VPS4B: variants seen among roughly 807,000 people sequenced by gnomAD.
The protein encoded by VPS4B is vacuolar protein sorting-associated protein 4B.
Under a neutral mutation model 56.1 loss-of-function variants are expected in VPS4B, and 23 were observed. That is an observed-to-expected ratio of 0.41 (90% confidence interval 0.30 to 0.58). The LOEUF is 0.58. Among genes scored for constraint, VPS4B ranks in the 20% least tolerant of loss-of-function variants. The pLI is 0.29. For synonymous variants in VPS4B, 177 were observed against 186.0 expected, an observed-to-expected ratio of 0.95 and a Z score of 0.39; for missense variants, 372 against 531.9, an observed-to-expected ratio of 0.70 and a Z score of 2.96.
chr18:63,409,899 A>C (rs1216497182), intron 3 of VPS4B, among the ~76,000 whole-genome samples: 1 of 152,230 alleles, frequency 6.6e-6, no homozygotes, highest in Non-Finnish European at 1.5e-5. Flanking sequence ...CCAGAGAGTA[A>C]CTGAGTACTA....
In VPS4B at chr18:63,422,432, A is replaced by C. The variant is rs1846351107; in HGVS notation, c.-173T>G. Reference sequence around the variant, plus strand: ...TTTTAGACAACACTCTCTCCACCAGAGCTCCGACCCTCCCCACCAAACTTC... The same window carrying C: ...TTTTAGACAACACTCTCTCCACCAGCGCTCCGACCCTCCCCACCAAACTTC... On this transcript the variant is annotated 5_prime_UTR_variant, in exon 1 of 11. Transcript: ENST00000238497. 1 of 488,864 alleles carries C rather than the reference A, an allele frequency of 2.0e-6. No homozygotes were observed. The allele number at this position is 488,864 out of a possible 1,614,324, so 30.3% of individuals were successfully genotyped here. A position where few individuals can be genotyped will look rare whatever the true frequency, so the allele number is the denominator to read the frequency against.
At chr18:63,392,374 A>G (rs1915568687) in intron 10 of VPS4B, among the ~76,000 whole-genome samples, 1 of 152,250 alleles carries the variant, frequency 6.6e-6, no homozygotes, top group African/African-American at 2.4e-5. Flanking sequence ...TAAACTTTCT[A>G]TGGAGCTTTG....
intron 5 of VPS4B, among the ~76,000 whole-genome samples, chr18:63,401,395 T>C (rs564478435): frequency 1.3e-5 from 2 of 152,180 alleles, no homozygotes; most frequent in African/African-American, 4.8e-5. Context: ...GCTGAGATTA[T>C]AGGTGCCCGC....
intron 1 of VPS4B, among the ~76,000 whole-genome samples, chr18:63,416,791 T>C (rs868419762): frequency 1.3e-5 from 2 of 152,176 alleles, no homozygotes; most frequent in African/African-American, 2.4e-5. Context: ...CCACCTAGAA[T>C]GCTCTTCCCT....
intron 9 of VPS4B, chr18:63,396,751 G>A (rs1473388793): frequency 1.1e-5 from 4 of 357,174 alleles, no homozygotes; most frequent in East Asian, 1.3e-4. Context: ...GCCTTTGGGA[G>A]GCCGAGGTGG....
chr18:63,397,004 GAT>G, intron 9 of VPS4B, 28 bp downstream of exon 9: 1 of 1,333,766 alleles, frequency 7.5e-7, no homozygotes, highest in Non-Finnish European at 1.0e-6. Flanking sequence ...AAAAAAAAAA[GAT>G]AGGAAAGGAT....
intron 4 of VPS4B, among the ~76,000 whole-genome samples, chr18:63,406,448 T>C (rs1332659845): frequency 2.0e-5 from 3 of 152,244 alleles, no homozygotes; most frequent in African/African-American, 7.2e-5. Flanking sequence ...GTATTTTCAC[T>C]ATTCAGTAAC....
intron 5 of VPS4B, among the ~76,000 whole-genome samples, chr18:63,401,694 T>C (rs77036869): frequency 0.019 from 2,934 of 152,148 alleles, 90 homozygotes; most frequent in African/African-American, 0.067. Flanking sequence ...CTATCAAACA[T>C]ACATTTAAAA....
chr18:63,418,638 C>T (rs1403041426), intron 1 of VPS4B, among the ~76,000 whole-genome samples: 2 of 152,110 alleles, frequency 1.3e-5, no homozygotes, highest in African/African-American at 4.8e-5. Context: ...TAAGCTGAAG[C>T]GATCTGCTGC....
intron 2 of VPS4B, 34 bp downstream of exon 2, chr18:63,411,433 G>T: frequency 3.6e-6 from 5 of 1,403,392 alleles, no homozygotes; most frequent in South Asian, 1.6e-5. Flanking sequence ...TTTCCTTTTC[G>T]TGTTTTTAAA....
chr18:63,414,337 T>A (rs1207252855), intron 1 of VPS4B, among the ~76,000 whole-genome samples: 1 of 151,628 alleles, frequency 6.6e-6, no homozygotes, highest in Non-Finnish European at 1.5e-5. Context: ...GCCACTGCAC[T>A]CTAGCCTGGG....
At chr18:63,407,614 T>TAC (rs1199390975) in intron 3 of VPS4B, 115 bp from the exon 4 acceptor site, 1 of 771,064 alleles carries the variant, frequency 1.3e-6, no homozygotes, top group Non-Finnish European at 2.0e-6. Context: ...ATCAGACATT[T>TAC]ACATTAAAAG....
In VPS4B at chr18:63,400,175, T is replaced by A; in HGVS notation, c.663A>T (p.Gln221His). The A allele has an allele frequency of 1.2e-6, 2 of 1,607,794 alleles. No individual in the cohort carries two copies. Among genetic ancestry groups the A allele is most frequent in the Non-Finnish European group, 8.5e-7 (1 of 1,178,270 alleles). ...TGGAGGGCTTGTTCTCTCTGGCAAG[T>A]TGGAATAAATTCTTAACCAGTCTAA... Reference protein sequence around the residue: ...ESEKLVKNLFQLARENKPSII... With the variant: ...ESEKLVKNLFHLARENKPSII... The change falls in exon 7 of 11, where the codon CAA (glutamine) becomes CAT (histidine). Residue 221 changes from glutamine (Q) to histidine (H), a missense_variant. This residue lies in a region of VPS4B where 66 missense variants were observed against 150.7 expected (regional missense o/e 0.44). Transcript: ENST00000238497.
intron 1 of VPS4B, among the ~76,000 whole-genome samples, chr18:63,420,217 C>T (rs868800544): frequency 3.9e-5 from 6 of 151,984 alleles, no homozygotes; most frequent in African/African-American, 1.5e-4. Context: ...GAGGCTAAGG[C>T]GGGCGGATCA....
intron 10 of VPS4B, among the ~76,000 whole-genome samples, chr18:63,391,693 T>G (rs546380361): frequency 6.6e-6 from 1 of 152,250 alleles, no homozygotes. Context: ...CATGATCTAA[T>G]TTCTGGCCTT....
At position 63,393,176 on chromosome 18, in the gene VPS4B, G is replaced by C. The variant is rs779323581; in HGVS notation, c.1233+233C>G. Reference sequence around the variant, plus strand: ...AAGACCTGTAAAGTCAGAATCTTGTGCTTTAAAAAATAGCTTTTTCACTTA... The same window carrying C: ...AAGACCTGTAAAGTCAGAATCTTGTCCTTTAAAAAATAGCTTTTTCACTTA... On this transcript the variant is annotated intron_variant, in intron 10 of 10. Transcript: ENST00000238497. 3.3e-5 allele frequency among the ~76,000 whole-genome samples: 5 copies of C among 152,060 alleles called. No individual in the cohort carries two copies. The South Asian group carries it at 6.2e-4, about 19-fold the overall frequency.
rs754878648 is a variant in VPS4B, at chr18:63,390,907, G to A, written c.*68C>T. ...GAGTTTTACTGGAAACAATTAATGC[G>A]ATCCAAATAGACAAAAATATCTATG... On this transcript the variant is annotated 3_prime_UTR_variant, in exon 11 of 11. Transcript: ENST00000238497. 8 of 1,114,580 alleles carry A rather than the reference G, an allele frequency of 7.2e-6. No homozygotes were observed. In the South Asian group the frequency reaches 7.9e-5, roughly 11 times the overall value. The allele number at this position is 1,114,580 out of a possible 1,614,324, so 69.0% of individuals were successfully genotyped here.
chr18:63,408,381 A>G lies in VPS4B; in HGVS notation c.297-882T>C, dbSNP rs573216503. Among the ~76,000 whole-genome samples, 9 of 152,320 alleles carry G rather than the reference A, an allele frequency of 5.9e-5. No homozygotes were observed. In the South Asian group the frequency reaches 1.9e-3, roughly 32 times the overall value. Reference sequence around the variant, plus strand: ...CGGTGGGGCTGTGGGTGAGGTAGACACTGCAAAAGATTCACATGACACTCA... The same window carrying G: ...CGGTGGGGCTGTGGGTGAGGTAGACGCTGCAAAAGATTCACATGACACTCA... On this transcript the variant is annotated intron_variant, in intron 3 of 10. Coordinates refer to ENST00000238497, the MANE Select transcript of VPS4B (RefSeq NM_004869.4).
intron 1 of VPS4B, among the ~76,000 whole-genome samples, chr18:63,420,060 G>C (rs1916259623): frequency 6.6e-6 from 1 of 152,182 alleles, no homozygotes; most frequent in South Asian, 2.1e-4. Flanking sequence ...TACAATTCAA[G>C]ATCCTTCCTG....
Sources: allele counts gnomAD v4.1 joint callset (sites outside exome capture counted in the v4.1 genomes callset), GRCh38; gene constraint gnomAD v4.1.1; regional missense constraint gnomAD v4.1.1; transcripts MANE v1.5; gene names NCBI Gene and HGNC (gene_info 2026-07-23, HGNC 2026-07-21).